The following PCDH11X variants were observed in gnomAD, a reference collection of about 807,000 sequenced individuals.
The protein encoded by PCDH11X is protocadherin 11 X-linked, also known as protocadherin-11 X-linked.
Under a neutral mutation model 53.3 loss-of-function variants are expected in PCDH11X, and 18 were observed. The observed-to-expected ratio is 0.34, with a 90% CI of 0.23 to 0.50. PCDH11X has a LOEUF of 0.50. PCDH11X is among the 20% of genes least tolerant of loss of function. The pLI, the probability that PCDH11X is intolerant of heterozygous loss-of-function variation, is 0.98. For synonymous variants in PCDH11X, 279 were observed against 393.3 expected (o/e 0.71, Z 3.44); for missense variants, 570 against 1,032.4 (o/e 0.55, Z 6.14).
At chrX:92,605,483 A>C (rs1208651157) in intron 10 of PCDH11X, among the ~76,000 whole-genome samples, 2 of 111,459 alleles carry the variant, frequency 1.8e-5, no homozygotes, top group African/African-American at 6.5e-5. Flanking sequence ...TAGGCAAAAA[A>C]AATAAATAAA....
chrX:92,411,937 GGGGAGGAGGAGGAGTGGGA>G (rs1413952400), intron 9 of PCDH11X, among the ~76,000 whole-genome samples: 10 of 33,808 alleles, frequency 3.0e-4, no homozygotes, highest in South Asian at 2.8e-3. Context: ...GAGGAGGAGG[GGGGAGGAGGAGGAGTGGGA>G]GGAGGAGGAG....
At chrX:91,989,377 A>G (rs1285774721) in intron 6 of PCDH11X, among the ~76,000 whole-genome samples, 1 of 111,053 alleles carries the variant, frequency 9.0e-6, no homozygotes, top group East Asian at 2.8e-4. Flanking sequence ...CCTGGCTAAC[A>G]TGGTGAAACC....
chrX:92,515,714 G>T (rs1287229919), intron 10 of PCDH11X, among the ~76,000 whole-genome samples: 1 of 110,969 alleles, frequency 9.0e-6, no homozygotes, highest in African/African-American at 3.3e-5. Flanking sequence ...TCAAAAAAGG[G>T]TCATCTAATT....
chrX:92,606,692 T>G (rs974621579), intron 10 of PCDH11X, among the ~76,000 whole-genome samples: 3 of 111,295 alleles, frequency 2.7e-5, no homozygotes, highest in African/African-American at 9.8e-5. Flanking sequence ...CTTCAAAACT[T>G]TTGTACGTCA....
At chrX:92,180,485 C>A (rs963819955) in intron 6 of PCDH11X, among the ~76,000 whole-genome samples, 8 of 111,206 alleles carry the variant, frequency 7.2e-5, no homozygotes, top group African/African-American at 2.6e-4. Flanking sequence ...GTTTATCTTC[C>A]CTATCTAGTC....
At chrX:92,452,386 G>C (rs1335248794) in intron 9 of PCDH11X, among the ~76,000 whole-genome samples, 1 of 90,544 alleles carries the variant, frequency 1.1e-5, no homozygotes, top group African/African-American at 4.1e-5. Context: ...AATGATATTT[G>C]AGCACTGTAC....
chrX:92,543,582 ATTAT>A (rs949356330), intron 10 of PCDH11X, among the ~76,000 whole-genome samples: 1 of 109,286 alleles, frequency 9.2e-6, no homozygotes, highest in African/African-American at 3.3e-5. Context: ...TATCAGGGTC[ATTAT>A]TTATAAATAA....
chrX:91,799,857 G>A (rs1177450631), intron 1 of PCDH11X, among the ~76,000 whole-genome samples: 16 of 111,747 alleles, frequency 1.4e-4, no homozygotes, highest in South Asian at 1.1e-3. Context: ...GGGAGGCCGA[G>A]GTGAGTGGAT....
chrX:91,986,139 A>C (rs2147935667), intron 6 of PCDH11X, among the ~76,000 whole-genome samples: 1 of 100,606 alleles, frequency 9.9e-6, no homozygotes, highest in Non-Finnish European at 2.0e-5. Context: ...TCTTGAAAGT[A>C]GATTTTATGG....
chrX:92,269,789 A>G (rs73630166), intron 8 of PCDH11X, among the ~76,000 whole-genome samples: 10,176 of 111,363 alleles, frequency 0.091, 702 homozygotes, highest in East Asian at 0.23. Context: ...ACTAAATTGA[A>G]GGGCTCATCT....
chrX:92,160,617 A>G, intron 6 of PCDH11X, among the ~76,000 whole-genome samples: 1 of 103,199 alleles, frequency 9.7e-6, no homozygotes, highest in Non-Finnish European at 2.0e-5. Context: ...TGCTATAAAC[A>G]TGCATGTGCA....
At chrX:91,993,626 G>A (rs2147946985) in intron 6 of PCDH11X, among the ~76,000 whole-genome samples, 1 of 111,137 alleles carries the variant, frequency 9.0e-6, no homozygotes, top group Admixed American at 9.6e-5. Flanking sequence ...AGAGTTGGAG[G>A]TTAGGGATGC....
At chrX:92,501,450 C>T (rs1203639510) in intron 10 of PCDH11X, among the ~76,000 whole-genome samples, 1 of 111,098 alleles carries the variant, frequency 9.0e-6, no homozygotes, top group Non-Finnish European at 1.9e-5. Context: ...GACCAATATC[C>T]TTGATGAACA....
At chrX:92,345,373 T>C (rs1295206929) in intron 8 of PCDH11X, among the ~76,000 whole-genome samples, 4 of 110,331 alleles carry the variant, frequency 3.6e-5, no homozygotes, top group Non-Finnish European at 5.7e-5. Flanking sequence ...TATATGGAAG[T>C]AAATAATAAT....
chrX:91,887,005 A>T (rs1940255823), intron 6 of PCDH11X, among the ~76,000 whole-genome samples: 1 of 105,145 alleles, frequency 9.5e-6, no homozygotes, highest in Non-Finnish European at 1.9e-5. Context: ...AAGAAAAGAA[A>T]ATATATATAT....
chrX:91,857,892 A>G (rs1469702868), intron 5 of PCDH11X, among the ~76,000 whole-genome samples: 1 of 111,461 alleles, frequency 9.0e-6, no homozygotes, highest in African/African-American at 3.3e-5. Flanking sequence ...TCTGGGGTCT[A>G]GATGACAGTG....
intron 5 of PCDH11X, among the ~76,000 whole-genome samples, chrX:91,864,394 G>GTGTA (rs1210020155): frequency 3.8e-5 from 4 of 105,570 alleles, no homozygotes; most frequent in African/African-American, 1.5e-4. Context: ...GTGTGTGTGT[G>GTGTA]TGTGTGTGTT....
At chrX:92,608,590 T>G (rs967581815) in intron 10 of PCDH11X, among the ~76,000 whole-genome samples, 12 of 110,283 alleles carry the variant, frequency 1.1e-4, no homozygotes, top group African/African-American at 3.9e-4. Flanking sequence ...TTAAAAATAT[T>G]TCAAGCAGTG....
At chrX:92,285,424 T>G (rs1298047286) in intron 8 of PCDH11X, among the ~76,000 whole-genome samples, 1 of 109,155 alleles carries the variant, frequency 9.2e-6, no homozygotes, top group Admixed American at 9.8e-5. Flanking sequence ...CGGCAAATCT[T>G]GTAGTTTTAG....
Sources: gnomAD v4.1 joint callset for allele counts (sites outside exome capture counted in the v4.1 genomes callset) on GRCh38, gnomAD v4.1.1 for gene constraint, MANE v1.5 for transcripts, NCBI Gene and HGNC (gene_info 2026-07-23, HGNC 2026-07-21) for gene names.